COL4A4: variants seen among roughly 807,000 people sequenced by gnomAD.
COL4A4 encodes collagen alpha-4(IV) chain.
COL4A4 carries 105 observed loss-of-function variants against 192.9 expected under a neutral mutation model. The observed-to-expected ratio is 0.54, with a 90% confidence interval of 0.46 to 0.64. COL4A4 has a LOEUF of 0.64. COL4A4 is among the 30% of genes least tolerant of loss of function. The probability of loss-of-function intolerance (pLI) is 0.00; values close to 1 mark genes in which losing one functional copy is unlikely to be tolerated. For missense variants in COL4A4, 1,967 were observed against 2,169.3 expected (o/e 0.91, Z 1.85); for synonymous variants, 762 against 769.9 (o/e 0.99, Z 0.17).
intron 25 of COL4A4, among the ~76,000 whole-genome samples, chr2:227,072,140 T>C (rs1320781229): frequency 6.6e-6 from 1 of 151,318 alleles, no homozygotes; most frequent in East Asian, 1.9e-4. Context: ...ATAAACAAAA[T>C]CAATAGACCA....
rs1037232355 is a variant in COL4A4 at position 227,108,844 on chromosome 2, G to T, written c.682C>A (p.Pro228Thr). ...LVGPPGQPGR[P>T]GLKGNPGVGV... is the part of the protein sequence containing the mutation. ...TCATGACTGCCTACCTTCAAACCTG[G>T]ACGCCCTGGTTGGCCCGGAGGTCCC... Residue 228 changes from proline to threonine, a missense_variant, in exon 11 of 48, where the codon CCA becomes ACA. Physicochemically the swap from Pro to Thr is conservative, Grantham distance 38. Transcript: ENST00000396625. 4 of 1,612,076 alleles carry T rather than the reference G, an allele frequency of 2.5e-6. No individual in the cohort carries two copies. Among genetic ancestry groups the T allele is most frequent in the Non-Finnish European group, 3.4e-6 (4 of 1,178,864 alleles).
chr2:227,054,952 G>A (rs554313525), intron 30 of COL4A4, among the ~76,000 whole-genome samples: 1 of 152,074 alleles, frequency 6.6e-6, no homozygotes, highest in South Asian at 2.1e-4. Flanking sequence ...ACCGCCCTTG[G>A]CTAATTTTTG....
rs1576637933 is a variant in COL4A4, at chr2:227,117,793, C to A, written c.489+852G>T. On this transcript the variant is annotated intron_variant, in intron 7 of 47. Transcript: ENST00000396625. ...TATGTTTAAATGAAAGTCCAAAATT[C>A]TGAAGAAAAAAAAAGCTAAGAGCCG... Among the ~76,000 whole-genome samples the A allele has an allele frequency of 5.2e-5, 7 of 135,042 alleles. No individual in the cohort carries two copies. The South Asian group carries it at 1.4e-3, about 27-fold the overall frequency. The allele number at this position is 135,042 out of a possible 152,430, so 88.6% of individuals were successfully genotyped here.
At chr2:227,108,920 A>C (rs371823504) in intron 10 of COL4A4, 52 bp from the exon 11 acceptor site, 13 of 1,561,268 alleles carry the variant, frequency 8.3e-6, no homozygotes, top group Admixed American at 1.7e-5. Flanking sequence ...TAGAAATCAG[A>C]ATGTGCCTTC....
intron 4 of COL4A4, among the ~76,000 whole-genome samples, chr2:227,128,782 G>A (rs181505157): frequency 3.9e-5 from 6 of 152,132 alleles, no homozygotes; most frequent in East Asian, 1.9e-4. Context: ...AATCTCTCGC[G>A]TCTCCTTAAC....
intron 34 of COL4A4, among the ~76,000 whole-genome samples, chr2:227,048,600 T>C (rs867384593): frequency 1.3e-5 from 2 of 152,196 alleles, no homozygotes; most frequent in African/African-American, 2.4e-5. Context: ...ATGGATTGAC[T>C]AAGGGCTAGG....
chr2:227,141,075 T>C (rs1028386426), intron 3 of COL4A4, among the ~76,000 whole-genome samples: 13 of 152,190 alleles, frequency 8.5e-5, no homozygotes, highest in Non-Finnish European at 1.6e-4. Flanking sequence ...GCAATGAACA[T>C]GAGCACTGAG....
At chr2:227,098,512 A>C (rs1421287006) in intron 19 of COL4A4, among the ~76,000 whole-genome samples, 182 bp downstream of exon 19, 1 of 152,224 alleles carries the variant, frequency 6.6e-6, no homozygotes. Context: ...CTACAGTATC[A>C]GATCCCCAGG....
chr2:227,147,132 A>G (rs138029099), intron 2 of COL4A4, among the ~76,000 whole-genome samples: 5 of 152,268 alleles, frequency 3.3e-5, no homozygotes, highest in African/African-American at 9.6e-5. Context: ...CTTTGGGCAT[A>G]TGTCTTTTGC....
chr2:227,022,243 G>T, intron 43 of COL4A4, 70 bp from the exon 44 acceptor site: 1 of 1,578,318 alleles, frequency 6.3e-7, no homozygotes, highest in Non-Finnish European at 8.7e-7. Flanking sequence ...ACAGTCTCTG[G>T]TTAAAGTTGG....
intron 22 of COL4A4, among the ~76,000 whole-genome samples, chr2:227,087,671 T>TCATCTCCCAGCC (rs1314152595): frequency 6.6e-6 from 1 of 152,144 alleles, no homozygotes; most frequent in Non-Finnish European, 1.5e-5. Context: ...GCCTCCCAGC[T>TCATCTCCCAGCC]CATCTCCCAG....
chr2:226,988,706 C>A, the COL4A4 span: 2 of 957,792 alleles, frequency 2.1e-6, no homozygotes, highest in Non-Finnish European at 1.2e-6. Flanking sequence ...ATTTTACAGA[C>A]CTCATATACA....
chr2:227,107,038 T>C (rs2060887338), intron 12 of COL4A4, among the ~76,000 whole-genome samples: 1 of 152,224 alleles, frequency 6.6e-6, no homozygotes, highest in Non-Finnish European at 1.5e-5. Flanking sequence ...AAGATGCCAA[T>C]GCTTGCTGGA....
intron 37 of COL4A4, among the ~76,000 whole-genome samples, chr2:227,033,953 G>T: frequency 6.6e-6 from 1 of 152,202 alleles, no homozygotes; most frequent in East Asian, 1.9e-4. Flanking sequence ...CAGACGAGAG[G>T]ACGCATGGCG....
At chr2:227,062,468 G>T in intron 26 of COL4A4, 62 bp downstream of exon 26, 1 of 1,012,958 alleles carries the variant, frequency 9.9e-7, no homozygotes, top group Non-Finnish European at 1.5e-6. Context: ...TTATCTGTCT[G>T]GCTGGTTTTT....
At chr2:227,033,569 G>T (rs1575933764) in intron 37 of COL4A4, 88 bp from the exon 38 acceptor site, 3 of 1,193,082 alleles carry the variant, frequency 2.5e-6, no homozygotes, top group Non-Finnish European at 3.7e-6. Context: ...CCCAGCAGAG[G>T]GCGCGTTGCT....
At chr2:227,148,200 C>T (rs1014202390) in intron 1 of COL4A4, among the ~76,000 whole-genome samples, 1 of 152,172 alleles carries the variant, frequency 6.6e-6, no homozygotes, top group Non-Finnish European at 1.5e-5. Flanking sequence ...TAAACTTGCA[C>T]ATGAATATTC....
At chr2:227,037,592 G>T (rs1969935947) in intron 37 of COL4A4, among the ~76,000 whole-genome samples, 2 of 152,160 alleles carry the variant, frequency 1.3e-5, no homozygotes, top group African/African-American at 4.8e-5. Flanking sequence ...AATCATTTGG[G>T]TATAAACCCA....
intron 25 of COL4A4, among the ~76,000 whole-genome samples, chr2:227,073,755 A>C (rs1468863571): frequency 6.6e-6 from 1 of 152,106 alleles, no homozygotes; most frequent in African/African-American, 2.4e-5. Context: ...ATCTACAGCT[A>C]ACTGATCTTT....
Sources: allele counts gnomAD v4.1 joint callset (sites outside exome capture counted in the v4.1 genomes callset), GRCh38; gene constraint gnomAD v4.1.1; transcripts MANE v1.5; gene names NCBI Gene and HGNC (gene_info 2026-07-23, HGNC 2026-07-21).